TNRC18: variants seen among roughly 807,000 people sequenced by gnomAD.
TNRC18 encodes the protein trinucleotide repeat containing 18.
In TNRC18, 69 loss-of-function variants were observed where a neutral mutation model predicts 226.7. The observed-to-expected ratio is 0.30, with a 90% CI of 0.25 to 0.37. The LOEUF is 0.37. Among genes scored for constraint, TNRC18 ranks in the 10% least tolerant of loss-of-function variants. The pLI is 1.00. For synonymous variants in TNRC18, 2,449 were observed against 1,927.6 expected (o/e 1.27, Z -7.09); for missense variants, 4,754 against 4,256.6 (o/e 1.12, Z -3.25).
At chr7:5,395,443 C>A (rs1023488346) in intron 2 of TNRC18, among the ~76,000 whole-genome samples, 2 of 152,210 alleles carry the variant, frequency 1.3e-5, no homozygotes, top group South Asian at 4.1e-4. Flanking sequence ...CCCGCCATGC[C>A]CCACGTGGCC....
chr7:5,413,952 T>C (rs73333864), intron 2 of TNRC18, among the ~76,000 whole-genome samples: 2,047 of 152,218 alleles, frequency 0.013, 51 homozygotes, highest in African/African-American at 0.047. Context: ...CTGCTCTCAC[T>C]GTCTTATTTG....
intron 17 of TNRC18, among the ~76,000 whole-genome samples, chr7:5,346,743 T>C (rs1459113664): frequency 6.6e-6 from 1 of 152,192 alleles, no homozygotes; most frequent in African/African-American, 2.4e-5. Context: ...GAGCCTCTAT[T>C]TTCTCACCTG....
intron 24 of TNRC18, among the ~76,000 whole-genome samples, chr7:5,317,486 G>A (rs542462399): frequency 3.5e-4 from 54 of 152,198 alleles, no homozygotes; most frequent in African/African-American, 1.2e-3. Flanking sequence ...AGCTACTCCA[G>A]AAGCTGAGGC....
intron 5 of TNRC18, among the ~76,000 whole-genome samples, chr7:5,381,086 C>T (rs919515325): frequency 1.3e-5 from 2 of 152,216 alleles, no homozygotes; most frequent in African/African-American, 4.8e-5. Flanking sequence ...CAAGCGCCAC[C>T]TGCCACAGAA....
At chr7:5,383,957 A>ATT (rs765430615) in intron 5 of TNRC18, among the ~76,000 whole-genome samples, 14,578 of 78,516 alleles carry the variant, frequency 0.19, 3,342 homozygotes, top group African/African-American at 0.39. Context: ...TACCCGGGTG[A>ATT]TTTTTTTTTT....
chr7:5,362,647 C>A lies in TNRC18; in HGVS notation c.4395+3G>T. ...CCCAGGGAGGAAGCAGCCAGCCGCTCACCCGCTCCTCCTTCTTGCGCATCC... is the reference window on the plus strand; with the variant it reads ...CCCAGGGAGGAAGCAGCCAGCCGCTAACCCGCTCCTCCTTCTTGCGCATCC... On this transcript the variant is annotated splice_donor_region_variant and intron_variant, in intron 12 of 29. Coordinates refer to ENST00000430969, the MANE Select transcript of TNRC18 (RefSeq NM_001080495.3). The A allele has an allele frequency of 6.4e-7, 1 of 1,560,462 alleles. No homozygotes were observed. The highest frequency in any genetic ancestry group is 1.2e-5 in the South Asian group (1 of 83,790).
At chr7:5,361,810 C>A in intron 13 of TNRC18, 87 bp downstream of exon 13, 1 of 1,521,300 alleles carries the variant, frequency 6.6e-7, no homozygotes, top group Non-Finnish European at 8.8e-7. Flanking sequence ...GGCGCCGGGT[C>A]CACGCACACC....
chr7:5,389,163 C>A lies in TNRC18; in HGVS notation c.661G>T (p.Gly221Cys). The A allele has an allele frequency of 1.5e-6, 2 of 1,325,216 alleles. No individual in the cohort carries two copies. Among genetic ancestry groups the A allele is most frequent in the Non-Finnish European group, 1.9e-6 (2 of 1,038,244 alleles). 82.1% of individuals were successfully genotyped at this position (1,325,216 alleles called of 1,614,324 possible). Residue 221 changes from glycine (G) to cysteine (C), a missense_variant, in exon 5 of 30, where the codon GGC (glycine) becomes TGC (cysteine). Gly to Cys is a radical substitution (Grantham distance 159). Coordinates refer to ENST00000430969, the MANE Select transcript of TNRC18 (RefSeq NM_001080495.3). ...CCCCGGGCGCGCGGGTCCTTCTTGC[C>A]GAAAAGCGGAGGCGGCTCCCCGCCG... is the stretch of plus-strand genomic sequence containing the variant. ...GRGGEPPPLF[G>C]KKDPRARGEE...
rs1382283162 is a variant in TNRC18 at position 5,388,779 on chromosome 7, G to T, written c.1045C>A (p.Pro349Thr). The T allele has an allele frequency of 8.2e-7, 1 of 1,222,212 alleles. No individual in the cohort carries two copies. Among genetic ancestry groups the T allele is most frequent in the South Asian group, 2.6e-5 (1 of 38,034 alleles). 75.7% of individuals were successfully genotyped at this position (1,222,212 alleles called of 1,614,324 possible). A position where few individuals can be genotyped will look rare whatever the true frequency, so the allele number is the denominator to read the frequency against. ...PAPPKGPPAP[P>T]AATPAGVYTV... is the part of the protein sequence containing the mutation. Reference sequence around the variant, plus strand: ...TAGACGCCGGCGGGGGTGGCCGCGGGGGGTGCAGGAGGCCCCTTGGGGGGC... The same window carrying T: ...TAGACGCCGGCGGGGGTGGCCGCGGTGGGTGCAGGAGGCCCCTTGGGGGGC... Residue 349 changes from proline to threonine, a missense_variant, in exon 5 of 30, where the codon CCC (proline) becomes ACC (threonine). Pro to Thr is a conservative substitution (Grantham distance 38). Transcript: ENST00000430969.
rs767398229 is a variant in TNRC18, at chr7:5,313,419, C to T, written c.7472G>A (p.Gly2491Asp). Reference sequence around the variant, plus strand: ...CAGGAGGCTCTTGGGCTCCTGCCAGCCCCCCGCCCCCGGATCCTCCCGGAG... The same window carrying T: ...CAGGAGGCTCTTGGGCTCCTGCCAGTCCCCCGCCCCCGGATCCTCCCGGAG... ...LLLREDPGAGGWQEPKSLLSL... is the reference protein window; with the variant it reads ...LLLREDPGAGDWQEPKSLLSL... The change falls in exon 27 of 30, where the codon GGC (glycine) becomes GAC (aspartate). Residue 2491 changes from glycine (G) to aspartate (D), a missense_variant. Transcript: ENST00000430969. 9 of 1,603,222 alleles carry T rather than the reference C, an allele frequency of 5.6e-6. No homozygotes were observed. In the East Asian group the frequency reaches 1.6e-4, roughly 28 times the overall value.
At chr7:5,375,028 G>A (rs184813858) in intron 9 of TNRC18, among the ~76,000 whole-genome samples, 7 of 152,274 alleles carry the variant, frequency 4.6e-5, no homozygotes, top group African/African-American at 1.4e-4. Context: ...AACACACTAG[G>A]GGCCGGGCAC....
At chr7:5,342,102 G>C (rs969579446) in intron 18 of TNRC18, among the ~76,000 whole-genome samples, 3 of 152,158 alleles carry the variant, frequency 2.0e-5, no homozygotes, top group Non-Finnish European at 4.4e-5. Context: ...TGATGGATCT[G>C]GGCAAAGTAA....
In TNRC18 at chr7:5,315,961, A is replaced by G; in HGVS notation, c.6857T>C (p.Ile2286Thr). The stretch of plus-strand genomic sequence containing the variant: ...GTCATGAGCTTGTCACTTACACTGT[A>G]TCTTATAGTCAGGGGGCAGGAGGCG... ...HIRLLPPDYK[I>T]QCAEPSPALL... The change falls in exon 25 of 30, where the codon ATA becomes ACA. Residue 2286 changes from isoleucine to threonine, a missense_variant. Coordinates refer to ENST00000430969, the MANE Select transcript of TNRC18 (RefSeq NM_001080495.3). 6.3e-7 allele frequency: 1 copy of G among 1,592,802 alleles called. No individual in the cohort carries two copies. The highest frequency in any genetic ancestry group is 8.5e-7 in the Non-Finnish European group (1 of 1,170,924).
At chr7:5,372,755 T>C (rs980238536) in intron 10 of TNRC18, among the ~76,000 whole-genome samples, 2 of 151,982 alleles carry the variant, frequency 1.3e-5, no homozygotes, top group African/African-American at 2.4e-5. Context: ...GCTGCAGTGG[T>C]CTCAAGCCTA....
chr7:5,338,503 T>A (rs1338074238), intron 18 of TNRC18, among the ~76,000 whole-genome samples: 1 of 151,710 alleles, frequency 6.6e-6, no homozygotes, highest in African/African-American at 2.4e-5. Flanking sequence ...CCCAGCACTT[T>A]GGGAGGCCAA....
intron 2 of TNRC18, among the ~76,000 whole-genome samples, chr7:5,401,984 G>C (rs7809657): frequency 0.44 from 66,358 of 151,306 alleles, 15,191 homozygotes; most frequent in East Asian, 0.85. Flanking sequence ...GACCATCCTG[G>C]CTAACACGGT....
In TNRC18 at chr7:5,332,699, T is replaced by C. The variant is rs895139920; in HGVS notation, c.6070A>G (p.Ser2024Gly). 6.5e-6 allele frequency: 10 copies of C among 1,529,644 alleles called. No homozygotes were observed. In the Admixed American group the frequency reaches 2.0e-4, roughly 31 times the overall value. 94.8% of individuals were successfully genotyped at this position (1,529,644 alleles called of 1,614,324 possible). The part of the protein sequence containing the change: ...PVSTAPATKT[S>G]RCAKGGPLSP... ...AGGGGGCCGCCCTTGGCGCAGCGGC[T>C]GGTCTTGGTGGCGGGCGCGGTGCTG... Residue 2024 changes from serine (S) to glycine (G), a missense_variant, in exon 19 of 30, where the codon AGC (serine) becomes GGC (glycine). By Grantham distance (56) the Ser-to-Gly change is moderately conservative (BLOSUM62 0). Coordinates refer to ENST00000430969, the MANE Select transcript of TNRC18 (RefSeq NM_001080495.3).
intron 19 of TNRC18, among the ~76,000 whole-genome samples, chr7:5,327,573 G>A (rs1446261184): frequency 1.3e-5 from 2 of 151,904 alleles, no homozygotes; most frequent in African/African-American, 2.4e-5. Flanking sequence ...ACATGTCCCT[G>A]CAGCTGTACC....
Position 5,319,809 on chromosome 7 carries a change from C to T in TNRC18, c.6745+509G>A, listed in dbSNP as rs1562487302. Among the ~76,000 whole-genome samples the T allele has an allele frequency of 5.9e-5, 9 of 152,196 alleles. 1 individual carries two copies. On this transcript the variant is annotated intron_variant, in intron 24 of 29. Transcript: ENST00000430969. ...ACAGGCATGAGCCACCACATCCAGC[C>T]TCATTCTCTCTTATTCTAACAACAT... is the stretch of plus-strand genomic sequence containing the variant.
Sources: allele counts gnomAD v4.1 joint callset (sites outside exome capture counted in the v4.1 genomes callset), GRCh38; gene constraint gnomAD v4.1.1; transcripts MANE v1.5; gene names NCBI Gene and HGNC (gene_info 2026-07-23, HGNC 2026-07-21).